The following KMT2C variants were observed in gnomAD, a reference collection of about 807,000 sequenced individuals.
KMT2C encodes histone-lysine N-methyltransferase 2C.
Under a neutral mutation model 507.9 loss-of-function variants are expected in KMT2C, and 88 were observed. That is an observed-to-expected ratio of 0.17 (90% CI 0.15 to 0.21). KMT2C has a LOEUF of 0.21. Ranked by LOEUF, KMT2C falls within the 10% of genes least tolerant of loss-of-function variation. The pLI is 1.00. For missense variants in KMT2C, 4,954 were observed against 5,957.8 expected (o/e 0.83, Z 5.55); for synonymous variants, 2,049 against 2,080.8 (o/e 0.98, Z 0.42).
chr7:152,335,985 G>C (rs2129215791), intron 2 of KMT2C, among the ~76,000 whole-genome samples: 1 of 151,954 alleles, frequency 6.6e-6, no homozygotes, highest in East Asian at 1.9e-4. Flanking sequence ...TAAGAAGACA[G>C]GCTTTCAGAG....
At position 152,182,407 on chromosome 7, in the gene KMT2C, T is replaced by C. The variant is rs2093463549; in HGVS notation, c.5453A>G (p.Asn1818Ser). The C allele has an allele frequency of 1.2e-6, 2 of 1,613,630 alleles. No homozygotes were observed. Among genetic ancestry groups the C allele is most frequent in the South Asian group, 1.1e-5 (1 of 91,022 alleles). ...SPLTPQPGNG[N>S]MSPAQSFHKE... ...ATGGAATGACTGTGCAGGAGACATA[T>C]TTCCATTGCCAGGCTGAGGTGTCAA... The change falls in exon 36 of 59, where the codon AAT becomes AGT. Residue 1818 changes from asparagine to serine, a missense_variant. This residue lies in a region of KMT2C where 1,689 missense variants were observed against 1,654.3 expected (regional missense o/e 1.02). Transcript: ENST00000262189.
chr7:152,305,634 T>C (rs1268488557), intron 6 of KMT2C, among the ~76,000 whole-genome samples: 1 of 152,086 alleles, frequency 6.6e-6, no homozygotes, highest in Non-Finnish European at 1.5e-5. Context: ...GGACAATCTA[T>C]TTACATCAGT....
At chr7:152,361,328 A>G (rs1563988540) in intron 1 of KMT2C, among the ~76,000 whole-genome samples, 1 of 152,208 alleles carries the variant, frequency 6.6e-6, no homozygotes, top group Non-Finnish European at 1.5e-5. Context: ...TGGGAGGCTG[A>G]GGTGGGTGGA....
At chr7:152,356,934 A>G (rs981268004) in intron 2 of KMT2C, among the ~76,000 whole-genome samples, 1 of 148,026 alleles carries the variant, frequency 6.8e-6, no homozygotes, top group African/African-American at 2.5e-5. Flanking sequence ...TAATAATAAT[A>G]GCAATAATAA....
chr7:152,391,424 T>C (rs2097496672), intron 1 of KMT2C, among the ~76,000 whole-genome samples: 1 of 151,574 alleles, frequency 6.6e-6, no homozygotes, highest in East Asian at 2.0e-4. Flanking sequence ...GTATTTTTAG[T>C]AGAGACAGGG....
chr7:152,149,101 C>T lies in KMT2C; in HGVS notation c.12826G>A (p.Ala4276Thr). 2 of 1,498,624 alleles carry T rather than the reference C, an allele frequency of 1.3e-6. No homozygotes were observed. Among genetic ancestry groups the T allele is most frequent in the Middle Eastern group, 1.8e-4 (1 of 5,556 alleles). 92.8% of individuals were successfully genotyped at this position (1,498,624 alleles called of 1,614,324 possible). A position where few individuals can be genotyped will look rare whatever the true frequency, so the allele number is the denominator to read the frequency against. ...QSPMRETPSK[A>T]FHQYSNNIST... ...ATGTTGTTGCTGTACTGATGAAATG[C>T]TTTGGAAGGCGTTTCTCTCATAGGT... Residue 4276 changes from alanine to threonine, a missense_variant, in exon 52 of 59, where the codon GCA becomes ACA. Physicochemically the swap from Ala to Thr is moderately conservative, Grantham distance 58 (BLOSUM62 0). Coordinates refer to ENST00000262189, the MANE Select transcript of KMT2C (RefSeq NM_170606.3).
rs550531559 is a variant in KMT2C, at chr7:152,276,527, T to C, written c.850-2660A>G. On this transcript the variant is annotated intron_variant, in intron 6 of 58. Transcript: ENST00000262189. ...CAGCACTTTGGGAGGCTGAGGCAGG[T>C]GGATCATTTGAGCTCAGGAGTTAGA... 1.6e-3 allele frequency among the ~76,000 whole-genome samples: 248 copies of C among 152,150 alleles called. 3 individuals carry two copies. In the Middle Eastern group the frequency reaches 0.02, roughly 13 times the overall value.
intron 1 of KMT2C, among the ~76,000 whole-genome samples, chr7:152,360,073 T>TGG (rs372111513): frequency 6.8e-5 from 1 of 14,748 alleles, no homozygotes; most frequent in African/African-American, 1.7e-4. Context: ...AAAAGGGGGG[T>TGG]GGGGGGGGGG....
intron 43 of KMT2C, among the ~76,000 whole-genome samples, chr7:152,159,544 T>C (rs139438821): frequency 2.6e-5 from 4 of 152,314 alleles, no homozygotes; most frequent in African/African-American, 9.6e-5. Context: ...TTACAGCCTA[T>C]GCATCTTAGG....
chr7:152,265,405 T>C (rs2095845516), intron 7 of KMT2C, among the ~76,000 whole-genome samples, 196 bp from the exon 8 acceptor site: 1 of 152,202 alleles, frequency 6.6e-6, no homozygotes, highest in Non-Finnish European at 1.5e-5. Flanking sequence ...GTAACCACAT[T>C]AAATTTAATC....
At position 152,223,427 on chromosome 7, in the gene KMT2C, G is replaced by A. The variant is rs2094835106; in HGVS notation, c.3323+588C>T. 2.0e-5 allele frequency among the ~76,000 whole-genome samples: 3 copies of A among 152,130 alleles called. No homozygotes were observed. In the South Asian group the frequency reaches 6.2e-4, roughly 32 times the overall value. On this transcript the variant is annotated intron_variant, in intron 20 of 58. Transcript: ENST00000262189. The stretch of plus-strand genomic sequence containing the variant: ...ATTCAGAAACCCTTCATAAGAAACG[G>A]CATAGATGAAGGCAATAATTCTCCA...
intron 1 of KMT2C, among the ~76,000 whole-genome samples, chr7:152,362,561 CTTTT>C (rs1380938533): frequency 3.3e-5 from 5 of 152,062 alleles, no homozygotes; most frequent in South Asian, 2.1e-4. Flanking sequence ...TTTCATCTTT[CTTTT>C]GTGATTTTTC....
chr7:152,197,194 C>T (rs1466723770), intron 27 of KMT2C, among the ~76,000 whole-genome samples: 1 of 152,030 alleles, frequency 6.6e-6, no homozygotes, highest in African/African-American at 2.4e-5. Flanking sequence ...AAGTGGTCGG[C>T]TTTGGGACGT....
chr7:152,163,058 G>A lies in KMT2C; in HGVS notation c.10519C>T (p.Arg3507Ter), dbSNP rs747835958. Residue 3507 changes from arginine (R) to a stop codon, truncating the protein, a stop_gained, in exon 43 of 59, where the codon CGA (arginine) becomes TGA (stop). Coordinates refer to ENST00000262189, the MANE Select transcript of KMT2C (RefSeq NM_170606.3). LOFTEE classifies it high-confidence loss of function. ...AATGAAGGAGGGCCTACCTGCCTTC[G>A]CTCATTAGTCTGCATGAAAGTTTGG... ...STQTFMQTNE[R>*]RQVGPPSFVP... The A allele has an allele frequency of 6.2e-7, 1 of 1,614,134 alleles. No homozygotes were observed. The highest frequency in any genetic ancestry group is 8.5e-7 in the Non-Finnish European group (1 of 1,180,014).
At chr7:152,230,572 T>C (rs2095076983) in intron 16 of KMT2C, among the ~76,000 whole-genome samples, 2 of 152,202 alleles carry the variant, frequency 1.3e-5, no homozygotes, top group African/African-American at 4.8e-5. Context: ...AAACCTGTCT[T>C]AGTAAGACTT....
At chr7:152,258,526 T>C (rs749692446) in intron 9 of KMT2C, among the ~76,000 whole-genome samples, 3 of 151,920 alleles carry the variant, frequency 2.0e-5, no homozygotes, top group African/African-American at 7.3e-5. Flanking sequence ...GTTGCTGTTG[T>C]TGTTGTTGTT....
intron 6 of KMT2C, among the ~76,000 whole-genome samples, chr7:152,287,899 C>G (rs2096332443): frequency 6.6e-6 from 1 of 151,390 alleles, no homozygotes. Flanking sequence ...TGGTGCACGC[C>G]TGTGATTCCA....
intron 2 of KMT2C, among the ~76,000 whole-genome samples, chr7:152,351,784 T>C (rs2097112863): frequency 6.6e-6 from 1 of 152,096 alleles, no homozygotes. Flanking sequence ...ATCAATACCC[T>C]TGTGATTTCC....
chr7:152,204,615 A>G (rs1300058162), intron 25 of KMT2C, among the ~76,000 whole-genome samples: 1 of 151,262 alleles, frequency 6.6e-6, no homozygotes, highest in Non-Finnish European at 1.5e-5. Flanking sequence ...AGATAGATAG[A>G]TAGATAGATA....
Sources: allele counts gnomAD v4.1 joint callset (sites outside exome capture counted in the v4.1 genomes callset), GRCh38; gene constraint gnomAD v4.1.1; regional missense constraint gnomAD v4.1.1; transcripts MANE v1.5; gene names NCBI Gene and HGNC (gene_info 2026-07-23, HGNC 2026-07-21).